MYZAP: variants seen among roughly 807,000 people sequenced by gnomAD.
The protein encoded by MYZAP is GRINL1A complex locus upstream.
A neutral mutation model predicts 69.4 loss-of-function variants in MYZAP; 66 were observed. The ratio of observed to expected loss-of-function variants is 0.95; its 90% CI spans 0.78 to 1.17. The LOEUF (loss-of-function observed/expected upper bound fraction) is 1.17. Among genes scored for constraint, MYZAP ranks in the 50% most tolerant of loss-of-function variants. MYZAP has a pLI of 0.00. For missense variants in MYZAP, 611 were observed against 556.2 expected (o/e 1.10, Z -0.99); for synonymous variants, 256 against 205.9 (o/e 1.24, Z -2.09).
At chr15:57,623,697 C>CA (rs1387383428) in intron 4 of MYZAP, among the ~76,000 whole-genome samples, 1 of 148,668 alleles carries the variant, frequency 6.7e-6, no homozygotes, top group Non-Finnish European at 1.5e-5. Flanking sequence ...TGTGCCACTG[C>CA]ACTCCAGTCT....
intron 11 of MYZAP, among the ~76,000 whole-genome samples, chr15:57,669,896 A>G (rs922399191): frequency 5.3e-5 from 8 of 151,954 alleles, no homozygotes; most frequent in African/African-American, 1.9e-4. Flanking sequence ...TCTTTGATTT[A>G]TGGATTATTT....
chr15:57,653,309 G>C (rs2037819197), intron 10 of MYZAP, among the ~76,000 whole-genome samples: 1 of 152,138 alleles, frequency 6.6e-6, no homozygotes, highest in African/African-American at 2.4e-5. Context: ...TTGAAAATTT[G>C]ACAATTTCGC....
At chr15:57,599,803 T>C (rs2034301049) in intron 1 of MYZAP, 3 of 888,374 alleles carry the variant, frequency 3.4e-6, no homozygotes, top group Non-Finnish European at 4.8e-6. Context: ...CGGACAACTT[T>C]ATGGGTGGTT....
chr15:57,674,285 A>G (rs1396587952), intron 11 of MYZAP, among the ~76,000 whole-genome samples: 1 of 152,142 alleles, frequency 6.6e-6, no homozygotes, highest in African/African-American at 2.4e-5. Flanking sequence ...CAAATCTCCA[A>G]TTGCTGAGCA....
At position 57,661,496 on chromosome 15, in the gene MYZAP, T is replaced by C; in HGVS notation, c.1166T>C (p.Leu389Pro). 6.2e-7 allele frequency: 1 copy of C among 1,610,040 alleles called. No individual in the cohort carries two copies. The highest frequency in any genetic ancestry group is 8.5e-7 in the Non-Finnish European group (1 of 1,178,936). The change falls in exon 11 of 13, where the codon CTG becomes CCG. Residue 389 changes from leucine to proline, a missense_variant. Leu to Pro is a moderately conservative substitution (Grantham distance 98). Coordinates refer to ENST00000267853, the MANE Select transcript of MYZAP (RefSeq NM_001018100.5). The part of the protein sequence containing the change: ...KKLQQKQLLI[L>P]QLLEKISFLE... ...TTGCAACAGAAACAGCTCTTAATAC[T>C]GCAGCTTTTAGAAAAGATATCTTTC...
chr15:57,616,267 C>G (rs1360908762), intron 2 of MYZAP, among the ~76,000 whole-genome samples: 1 of 152,220 alleles, frequency 6.6e-6, no homozygotes, highest in Non-Finnish European at 1.5e-5. Context: ...GTAATCCCAG[C>G]ACTTTGGGAG....
intron 2 of MYZAP, among the ~76,000 whole-genome samples, chr15:57,611,751 C>T (rs1567204907): frequency 6.6e-6 from 1 of 152,048 alleles, no homozygotes; most frequent in Non-Finnish European, 1.5e-5. Flanking sequence ...TTTTTAGAAA[C>T]AGGGTCTCAC....
intron 8 of MYZAP, among the ~76,000 whole-genome samples, chr15:57,636,367 C>T (rs1213348813): frequency 1.3e-5 from 2 of 152,158 alleles, no homozygotes; most frequent in African/African-American, 4.8e-5. Flanking sequence ...TATATTCTTC[C>T]TGCTTAAGGT....
chr15:57,622,828 C>A (rs1202226438), intron 4 of MYZAP, among the ~76,000 whole-genome samples: 1 of 152,076 alleles, frequency 6.6e-6, no homozygotes, highest in Non-Finnish European at 1.5e-5. Flanking sequence ...TATAAAATCC[C>A]AAAACCATGA....
chr15:57,680,757 A>C (rs1236116515), intron 12 of MYZAP: 1 of 152,210 alleles, frequency 6.6e-6, no homozygotes, highest in Non-Finnish European at 1.5e-5. Context: ...TATGATGAAA[A>C]ATATTCCCCA....
intron 4 of MYZAP, among the ~76,000 whole-genome samples, chr15:57,624,821 G>C (rs183964275): frequency 6.5e-4 from 99 of 152,220 alleles, no homozygotes; most frequent in Non-Finnish European, 1.1e-3. Flanking sequence ...CATGCTCCTG[G>C]GCCTGGCTTG....
chr15:57,675,182 G>T, intron 12 of MYZAP, 114 bp downstream of exon 12: 14 of 980,180 alleles, frequency 1.4e-5, no homozygotes, highest in Non-Finnish European at 2.1e-5. Flanking sequence ...AAATATTTCT[G>T]CAAAGCCGAG....
intron 3 of MYZAP, among the ~76,000 whole-genome samples, chr15:57,619,804 T>G (rs1283522768): frequency 2.6e-5 from 4 of 152,220 alleles, no homozygotes; most frequent in Non-Finnish European, 5.9e-5. Flanking sequence ...CCTCCCTTAG[T>G]AACCTTCTAA....
intron 11 of MYZAP, among the ~76,000 whole-genome samples, chr15:57,673,351 C>T (rs1230967971): frequency 2.6e-5 from 4 of 152,134 alleles, no homozygotes; most frequent in East Asian, 1.9e-4. Flanking sequence ...CAAAGGCAGG[C>T]GTCTTCTGCC....
At chr15:57,676,189 C>T (rs1194373399) in intron 12 of MYZAP, among the ~76,000 whole-genome samples, 1 of 152,028 alleles carries the variant, frequency 6.6e-6, no homozygotes, top group Non-Finnish European at 1.5e-5. Flanking sequence ...TAACATTGTA[C>T]AGTAAGGCCT....
intron 11 of MYZAP, among the ~76,000 whole-genome samples, chr15:57,667,778 ATAAG>A (rs1380577300): frequency 1.1e-4 from 17 of 152,144 alleles, no homozygotes; most frequent in South Asian, 2.1e-4. Flanking sequence ...ATTAACTTAC[ATAAG>A]TAAGTGTTTC....
intron 10 of MYZAP, among the ~76,000 whole-genome samples, chr15:57,656,309 A>T (rs1319627112): frequency 6.6e-6 from 1 of 152,178 alleles, no homozygotes; most frequent in Non-Finnish European, 1.5e-5. Context: ...TTCATTTGTT[A>T]TCTGAGAATA....
At chr15:57,647,875 A>G (rs2037522746) in intron 10 of MYZAP, 1 of 985,124 alleles carries the variant, frequency 1.0e-6, no homozygotes, top group Admixed American at 6.2e-5. Context: ...CTGTACTGTG[A>G]TATGGTGTGA....
chr15:57,611,146 A>G (rs2035079967), intron 2 of MYZAP, among the ~76,000 whole-genome samples: 1 of 152,142 alleles, frequency 6.6e-6, no homozygotes, highest in Non-Finnish European at 1.5e-5. Context: ...TATTCTGTGT[A>G]TTCTTTAGAC....
Sources: allele counts gnomAD v4.1 joint callset (sites outside exome capture counted in the v4.1 genomes callset), GRCh38; gene constraint gnomAD v4.1.1; transcripts MANE v1.5; gene names NCBI Gene and HGNC (gene_info 2026-07-23, HGNC 2026-07-21).